The following ATP8A2 variants were observed in gnomAD, a reference collection of about 807,000 sequenced individuals.
The protein encoded by ATP8A2 is phospholipid-transporting ATPase IB.
Under a neutral mutation model 165.6 loss-of-function variants are expected in ATP8A2, and 100 were observed. The ratio of observed to expected loss-of-function variants is 0.60; its 90% CI spans 0.51 to 0.71. ATP8A2 has a LOEUF of 0.71. ATP8A2 is among the 30% of genes least tolerant of loss of function. ATP8A2 has a pLI of 0.00. For synonymous variants in ATP8A2, 543 were observed against 548.8 expected (o/e 0.99, Z 0.15); for missense variants, 1,227 against 1,479.5 (o/e 0.83, Z 2.80).
chr13:25,736,470 C>T (rs978234086), intron 25 of ATP8A2, among the ~76,000 whole-genome samples: 1 of 152,130 alleles, frequency 6.6e-6, no homozygotes, highest in Admixed American at 6.5e-5. Flanking sequence ...GACTGTCAGA[C>T]GTTTCAGAGG....
intron 35 of ATP8A2, 68 bp downstream of exon 35, chr13:25,968,747 G>A (rs937020166): frequency 1.5e-6 from 2 of 1,291,656 alleles, no homozygotes; most frequent in African/African-American, 1.5e-5. Context: ...ATTCCTTCCT[G>A]TATTTCTTTT....
At chr13:26,003,787 ATT>A (rs1206717541) in intron 35 of ATP8A2, among the ~76,000 whole-genome samples, 3 of 152,078 alleles carry the variant, frequency 2.0e-5, no homozygotes, top group African/African-American at 7.2e-5. Flanking sequence ...CTTTTTCTTC[ATT>A]GTGTGTTATT....
In ATP8A2 at chr13:25,589,553, G is replaced by A. The variant is rs1342473497; in HGVS notation, c.2147-82G>A. 13 of 996,582 alleles carry A rather than the reference G, an allele frequency of 1.3e-5. No individual in the cohort carries two copies. The East Asian group carries it at 2.6e-4, about 20-fold the overall frequency. The allele number at this position is 996,582 out of a possible 1,614,324, so 61.7% of individuals were successfully genotyped here. A position where few individuals can be genotyped will look rare whatever the true frequency, so the allele number is the denominator to read the frequency against. ...TGTGTGAGCCAATAGGCTTAAAGTG[G>A]CAGATATAACCAAGGAGGTTGAATT... is the stretch of plus-strand genomic sequence containing the variant. On this transcript the variant is annotated intron_variant, in intron 23 of 36. Coordinates refer to ENST00000381655, the MANE Select transcript of ATP8A2 (RefSeq NM_016529.6).
chr13:25,880,140 T>C (rs944296164), intron 33 of ATP8A2, among the ~76,000 whole-genome samples: 2 of 152,192 alleles, frequency 1.3e-5, no homozygotes, highest in Non-Finnish European at 2.9e-5. Flanking sequence ...AATAATCAGT[T>C]ATCAGATAAT....
intron 2 of ATP8A2, among the ~76,000 whole-genome samples, chr13:25,515,347 C>T (rs1401098749): frequency 6.6e-6 from 1 of 152,218 alleles, no homozygotes; most frequent in Non-Finnish European, 1.5e-5. Flanking sequence ...TTCTTTGACA[C>T]AATGACACTC....
At chr13:25,900,818 C>T (rs975351650) in intron 33 of ATP8A2, among the ~76,000 whole-genome samples, 13 of 152,232 alleles carry the variant, frequency 8.5e-5, no homozygotes, top group Middle Eastern at 3.4e-3. Context: ...AAGGTATTAG[C>T]GCTGTTGACT....
At position 25,837,116 on chromosome 13, in the gene ATP8A2, T is replaced by A. The variant is rs758220543; in HGVS notation, c.2755-47T>A. ...TTGGTAGAAGGGAACAATGAAGCCG[T>A]GTGGATCCGAAGGGCTGCTTTTAAT... is the stretch of plus-strand genomic sequence containing the variant. On this transcript the variant is annotated intron_variant, in intron 28 of 36. Transcript: ENST00000381655. 5 of 1,599,674 alleles carry A rather than the reference T, an allele frequency of 3.1e-6. No homozygotes were observed. The East Asian group carries it at 1.1e-4, about 36-fold the overall frequency.
chr13:25,992,010 G>A (rs1956406349), intron 35 of ATP8A2, among the ~76,000 whole-genome samples: 1 of 150,958 alleles, frequency 6.6e-6, no homozygotes, highest in South Asian at 2.1e-4. Flanking sequence ...TGATTTGTGT[G>A]TGTGTGAGAC....
At chr13:25,693,785 G>A (rs921377798) in intron 24 of ATP8A2, among the ~76,000 whole-genome samples, 6 of 152,114 alleles carry the variant, frequency 3.9e-5, no homozygotes, top group Non-Finnish European at 7.4e-5. Flanking sequence ...TGCCTCCCAG[G>A]TTCAAGTGAT....
intron 35 of ATP8A2, among the ~76,000 whole-genome samples, chr13:25,971,503 C>T (rs1383805228): frequency 1.3e-5 from 2 of 152,078 alleles, no homozygotes; most frequent in Non-Finnish European, 2.9e-5. Context: ...TTCCTACCCT[C>T]ATCTGATCTT....
chr13:25,942,820 T>C (rs1365305499), intron 33 of ATP8A2, among the ~76,000 whole-genome samples: 1 of 152,236 alleles, frequency 6.6e-6, no homozygotes, highest in Non-Finnish European at 1.5e-5. Context: ...CTTCTAAAAA[T>C]GTTGAATGCT....
intron 32 of ATP8A2, 47 bp from the exon 33 acceptor site, chr13:25,862,254 G>T (rs1354008979): frequency 1.4e-6 from 2 of 1,428,190 alleles, no homozygotes; most frequent in African/African-American, 1.4e-5. Context: ...GGGTGAATCT[G>T]CCAGGCTGGT....
intron 34 of ATP8A2, among the ~76,000 whole-genome samples, chr13:25,967,720 C>T (rs1259954612): frequency 6.6e-6 from 1 of 152,066 alleles, no homozygotes; most frequent in East Asian, 1.9e-4. Context: ...GTCTTTTCAC[C>T]TAGACTGTTT....
intron 30 of ATP8A2, among the ~76,000 whole-genome samples, chr13:25,855,745 T>A (rs1224897753): frequency 1.3e-5 from 2 of 152,096 alleles, no homozygotes; most frequent in Non-Finnish European, 2.9e-5. Flanking sequence ...TGCCTCACAG[T>A]TTTCCAGGGT....
intron 24 of ATP8A2, among the ~76,000 whole-genome samples, chr13:25,623,877 C>T (rs1242873478): frequency 2.6e-5 from 4 of 151,676 alleles, no homozygotes; most frequent in African/African-American, 9.7e-5. Flanking sequence ...TATGCATATA[C>T]CTATATATGC....
intron 35 of ATP8A2, among the ~76,000 whole-genome samples, chr13:26,012,226 C>T (rs1956864591): frequency 2.0e-5 from 3 of 152,174 alleles, no homozygotes; most frequent in African/African-American, 7.2e-5. Flanking sequence ...GGAAACAGGC[C>T]TCTCCTTGGA....
intron 1 of ATP8A2, among the ~76,000 whole-genome samples, chr13:25,426,037 C>T (rs536443831): frequency 6.6e-6 from 1 of 152,270 alleles, no homozygotes; most frequent in Non-Finnish European, 1.5e-5. Context: ...CAAGAAGCAA[C>T]ACCATGAAGA....
At chr13:25,744,763 G>T (rs762452389) in intron 25 of ATP8A2, among the ~76,000 whole-genome samples, 10 of 152,178 alleles carry the variant, frequency 6.6e-5, no homozygotes, top group Non-Finnish European at 1.2e-4. Flanking sequence ...AAATTAAAAT[G>T]CATTCATCTA....
At chr13:25,988,333 G>A (rs1956310185) in intron 35 of ATP8A2, among the ~76,000 whole-genome samples, 1 of 152,208 alleles carries the variant, frequency 6.6e-6, no homozygotes, top group Admixed American at 6.5e-5. Context: ...CCAACTCTCT[G>A]GTAATGAGGA....
Sources: allele counts gnomAD v4.1 joint callset (sites outside exome capture counted in the v4.1 genomes callset), GRCh38; gene constraint gnomAD v4.1.1; transcripts MANE v1.5; gene names NCBI Gene and HGNC (gene_info 2026-07-23, HGNC 2026-07-21).